The following USP50 variants were observed in gnomAD, a reference collection of about 807,000 sequenced individuals.
The protein encoded by USP50 is ubiquitin carboxyl-terminal hydrolase 50.
USP50 carries 37 observed loss-of-function variants against 39.2 expected under a neutral mutation model. That is an observed-to-expected ratio of 0.94 (90% CI 0.73 to 1.24). The LOEUF (loss-of-function observed/expected upper bound fraction) is 1.24, where lower values mean the gene tolerates loss of function less well. Among genes scored for constraint, USP50 ranks in the 50% most tolerant of loss-of-function variants. The probability of loss-of-function intolerance (pLI) is 0.00; values close to 1 mark genes in which losing one functional copy is unlikely to be tolerated. For missense variants in USP50, 374 were observed against 398.2 expected (o/e 0.94, Z 0.52); for synonymous variants, 139 against 144.5 (o/e 0.96, Z 0.27).
At chr15:50,520,363 T>C (rs2052839262) in intron 6 of USP50, among the ~76,000 whole-genome samples, 1 of 151,338 alleles carries the variant, frequency 6.6e-6, no homozygotes. Context: ...TGCAGTGGCA[T>C]GGTCTCGGCT....
In USP50 at chr15:50,538,835, A is replaced by G; in HGVS notation, c.677T>C (p.Phe226Ser). The change falls in exon 5 of 7, where the codon TTT becomes TCT. Residue 226 changes from phenylalanine (F) to serine (S), a missense_variant. By Grantham distance (155) the Phe-to-Ser change is radical (BLOSUM62 -2). Transcript: ENST00000532404. ...ECSLRDCLQC[F>S]FQQDALTWNN... ...CCAGGTCAGTGCGTCTTGTTGAAAA[A>G]AACATTGGAGACAGTCCTGTTAAGG... 6.2e-7 allele frequency: 1 copy of G among 1,610,680 alleles called. No individual in the cohort carries two copies. The highest frequency in any genetic ancestry group is 8.5e-7 in the Non-Finnish European group (1 of 1,178,786).
intron 6 of USP50, among the ~76,000 whole-genome samples, chr15:50,529,509 G>A (rs147649315): frequency 6.6e-5 from 10 of 152,224 alleles, no homozygotes; most frequent in Admixed American, 6.5e-4. Flanking sequence ...ATTTTAAGCT[G>A]TTGGAACCAA....
chr15:50,528,963 C>T (rs2052919079), intron 6 of USP50, among the ~76,000 whole-genome samples: 2 of 152,232 alleles, frequency 1.3e-5, no homozygotes, highest in South Asian at 2.1e-4. Context: ...TCGTTAACAC[C>T]GTGATCCAGA....
chr15:50,525,814 G>A (rs115934764), intron 6 of USP50, among the ~76,000 whole-genome samples: 83,277 of 146,154 alleles, frequency 0.57, 23,551 homozygotes, highest in Admixed American at 0.62. Context: ...TAATATTAAT[G>A]AGTTTAAAAG....
intron 6 of USP50, 128 bp downstream of exon 6, chr15:50,529,669 T>A: frequency 9.9e-7 from 1 of 1,014,704 alleles, no homozygotes; most frequent in Non-Finnish European, 1.4e-6. Context: ...AAGTGGAGAG[T>A]TTCCTGGTCT....
downstream of USP50, chr15:50,498,932 C>T: frequency 1.2e-6 from 2 of 1,613,542 alleles, no homozygotes; most frequent in African/African-American, 1.3e-5. Flanking sequence ...ATGGAGGCCA[C>T]TACACAGCCT....
At chr15:50,514,555 GGGA>G (rs2052783344) in intron 6 of USP50, 1 of 152,188 alleles carries the variant, frequency 6.6e-6, no homozygotes, top group South Asian at 2.1e-4. Flanking sequence ...TTTTTGAGAT[GGGA>G]GTCTCGCTGT....
chr15:50,503,849 C>T (rs1009361231), intron 6 of USP50: 1 of 152,046 alleles, frequency 6.6e-6, no homozygotes, highest in Non-Finnish European at 1.5e-5. Flanking sequence ...ATAGAACATG[C>T]AAGGAAACAA....
chr15:50,497,339 G>GCGATTATCTGGTTA, downstream of USP50: 1 of 1,357,148 alleles, frequency 7.4e-7, no homozygotes. Context: ...ATAACAAAGG[G>GCGATTATCTGGTTA]CGATTATCTG....
Position 50,541,245 on chromosome 15 carries a change from C to A in USP50, c.464G>T (p.Arg155Ile), listed in dbSNP as rs140190170. ...CTGAGTAGATCCTTTCTCATATGAT[C>A]TTCTCCGGGAGTAGTGGTACTGAAT... ...ALKKYHYSRR[R>I]SYEKGSTQRC... Residue 155 changes from arginine (R) to isoleucine (I), a missense_variant, in exon 4 of 7, where the codon AGA (arginine) becomes ATA (isoleucine). By Grantham distance (97) the Arg-to-Ile change is moderately conservative. Coordinates refer to ENST00000532404, the MANE Select transcript of USP50 (RefSeq NM_203494.5). 6.6e-4 allele frequency: 1,068 copies of A among 1,613,730 alleles called. 9 individuals are homozygous for A. The African/African-American group carries it at 0.013, about 20-fold the overall frequency.
At chr15:50,528,369 T>C (rs569394001) in intron 6 of USP50, among the ~76,000 whole-genome samples, 6 of 152,092 alleles carry the variant, frequency 3.9e-5, no homozygotes, top group Non-Finnish European at 7.4e-5. Context: ...CTCTAACTCC[T>C]GGCCCCAAGT....
At chr15:50,530,147 A>G (rs1236564393) in intron 5 of USP50, among the ~76,000 whole-genome samples, 2 of 152,042 alleles carry the variant, frequency 1.3e-5, no homozygotes, top group African/African-American at 4.8e-5. Flanking sequence ...TCTCTACATA[A>G]AATTCTCACC....
At chr15:50,505,478 G>C (rs1455778605) in intron 6 of USP50, 1 of 152,114 alleles carries the variant, frequency 6.6e-6, no homozygotes, top group African/African-American at 2.4e-5. Context: ...AGAGACTTCA[G>C]GATAACAGAC....
At chr15:50,530,779 C>A (rs963887519) in intron 5 of USP50, among the ~76,000 whole-genome samples, 27 of 152,130 alleles carry the variant, frequency 1.8e-4, no homozygotes, top group Admixed American at 1.7e-3. Context: ...AAAGGGATAA[C>A]CAAGGCTCAA....
intron 5 of USP50, among the ~76,000 whole-genome samples, chr15:50,537,230 T>G (rs1372914978): frequency 6.9e-6 from 1 of 145,184 alleles, no homozygotes; most frequent in African/African-American, 2.5e-5. Context: ...CAACTGGATA[T>G]CCACGCGAAA....
intron 1 of USP50, among the ~76,000 whole-genome samples, chr15:50,494,959 G>A (rs779757644): frequency 5.3e-5 from 8 of 150,776 alleles, no homozygotes; most frequent in Non-Finnish European, 1.0e-4. Flanking sequence ...AAGTTGCAGT[G>A]AGCCGAGATT....
intron 5 of USP50, 61 bp from the exon 6 acceptor site, chr15:50,529,990 A>C: frequency 2.5e-6 from 4 of 1,592,678 alleles, no homozygotes; most frequent in Non-Finnish European, 3.4e-6. Flanking sequence ...ATTTGTCTAC[A>C]TGACAAATTC....
At chr15:50,504,694 A>T (rs968452783) in intron 6 of USP50, 4 of 152,070 alleles carry the variant, frequency 2.6e-5, no homozygotes, top group African/African-American at 9.7e-5. Context: ...AAATGAATAA[A>T]CCGGACTGGG....
At chr15:50,503,451 C>G (rs1322172188) in intron 6 of USP50, 1 of 152,260 alleles carries the variant, frequency 6.6e-6, no homozygotes, top group Non-Finnish European at 1.5e-5. Context: ...CGCAAGGACA[C>G]TCGAGGTAAA....
Sources: gnomAD v4.1 joint callset for allele counts (sites outside exome capture counted in the v4.1 genomes callset) on GRCh38, gnomAD v4.1.1 for gene constraint, MANE v1.5 for transcripts, NCBI Gene and HGNC (gene_info 2026-07-23, HGNC 2026-07-21) for gene names.